The following PRKD1 variants were observed in gnomAD, a reference collection of about 807,000 sequenced individuals.
PRKD1 encodes the protein serine/threonine-protein kinase D1.
In PRKD1, 63 loss-of-function variants were observed where a neutral mutation model predicts 95.9. The ratio of observed to expected loss-of-function variants is 0.66; its 90% CI spans 0.54 to 0.81. The LOEUF is 0.81. PRKD1 is among the 30% of genes least tolerant of loss of function. The pLI is 0.00. For missense variants in PRKD1, 1,048 were observed against 1,165.3 expected (o/e 0.90, Z 1.47); for synonymous variants, 425 against 423.1 (o/e 1.00, Z -0.05).
intron 13 of PRKD1, among the ~76,000 whole-genome samples, chr14:29,617,397 G>A (rs1878940828): frequency 6.6e-6 from 1 of 152,144 alleles, no homozygotes; most frequent in African/African-American, 2.4e-5. Context: ...GATGAGAAGA[G>A]AATATAAACC....
intron 1 of PRKD1, among the ~76,000 whole-genome samples, chr14:29,923,246 A>AC (rs1491390980): frequency 5.4e-5 from 8 of 149,514 alleles, no homozygotes; most frequent in Admixed American, 2.7e-4. Flanking sequence ...AAAAAAAAAA[A>AC]CACACAGTAA....
At chr14:29,847,530 G>T (rs969272655) in intron 1 of PRKD1, among the ~76,000 whole-genome samples, 1 of 151,878 alleles carries the variant, frequency 6.6e-6, no homozygotes, top group Admixed American at 6.6e-5. Context: ...CTACAAAAGT[G>T]CAAAAACAAA....
chr14:29,578,905 G>A (rs1892663926), intron 16 of PRKD1, among the ~76,000 whole-genome samples: 1 of 152,050 alleles, frequency 6.6e-6, no homozygotes, highest in Non-Finnish European at 1.5e-5. Flanking sequence ...AAAACCAACA[G>A]CCCAAGAAGA....
At chr14:29,669,339 C>T (rs1412788498) in intron 2 of PRKD1, among the ~76,000 whole-genome samples, 1 of 152,164 alleles carries the variant, frequency 6.6e-6, no homozygotes, top group African/African-American at 2.4e-5. Flanking sequence ...GAGCTAAACG[C>T]CAACTGGAGC....
chr14:29,670,664 A>G (rs1208669519), intron 2 of PRKD1, among the ~76,000 whole-genome samples: 1 of 152,080 alleles, frequency 6.6e-6, no homozygotes, highest in Admixed American at 6.6e-5. Context: ...GAGTGTTTGT[A>G]AAACTAAGCT....
intron 4 of PRKD1, among the ~76,000 whole-genome samples, chr14:29,653,455 A>AT (rs1555332286): frequency 1.3e-5 from 2 of 152,166 alleles, no homozygotes; most frequent in African/African-American, 4.8e-5. Context: ...AAGTTATTTA[A>AT]TTTTTTAAAA....
chr14:29,770,930 C>CAAAAAAAAAAAAAAAAAAAAAGAAA (rs1888476986), intron 1 of PRKD1, among the ~76,000 whole-genome samples: 2 of 47,162 alleles, frequency 4.2e-5, no homozygotes, highest in Admixed American at 2.2e-4. Context: ...AGACACTGTC[C>CAAAAAAAAAAAAAAAAAAAAAGAAA]AAAAAAAAAA....
At chr14:29,684,075 G>A (rs930774678) in intron 2 of PRKD1, among the ~76,000 whole-genome samples, 7 of 151,510 alleles carry the variant, frequency 4.6e-5, no homozygotes, top group Non-Finnish European at 1.0e-4. Flanking sequence ...AGCCCTGAGA[G>A]TCTAGTTCAA....
intron 4 of PRKD1, 41 bp from the exon 5 acceptor site, chr14:29,638,945 G>T (rs377562464): frequency 6.8e-7 from 1 of 1,478,076 alleles, no homozygotes; most frequent in South Asian, 1.1e-5. Flanking sequence ...GATGTAAGAG[G>T]CTATTTGATT....
At chr14:29,736,857 C>A (rs1886738998) in intron 1 of PRKD1, among the ~76,000 whole-genome samples, 1 of 152,260 alleles carries the variant, frequency 6.6e-6, no homozygotes, top group South Asian at 2.1e-4. Flanking sequence ...AGAATAAATA[C>A]ATGTTTTAAT....
intron 1 of PRKD1, among the ~76,000 whole-genome samples, chr14:29,868,106 C>T (rs1410604343): frequency 3.3e-5 from 5 of 152,066 alleles, no homozygotes; most frequent in Non-Finnish European, 5.9e-5. Flanking sequence ...CAATAACAGT[C>T]TTTTGTTTGT....
intron 1 of PRKD1, among the ~76,000 whole-genome samples, chr14:29,888,092 A>T (rs1169069057): frequency 2.6e-5 from 4 of 152,112 alleles, no homozygotes; most frequent in Non-Finnish European, 5.9e-5. Flanking sequence ...CTTGAGTCCA[A>T]AAGTTTGAGA....
At chr14:29,578,395 T>C in intron 16 of PRKD1, 35 bp from the exon 17 acceptor site, 1 of 1,451,582 alleles carries the variant, frequency 6.9e-7, no homozygotes, top group Non-Finnish European at 9.6e-7. Context: ...AGATGACAAA[T>C]CTGTAACATA....
chr14:29,840,073 G>T (rs1210413009), intron 1 of PRKD1, among the ~76,000 whole-genome samples: 1 of 151,996 alleles, frequency 6.6e-6, no homozygotes, highest in African/African-American at 2.4e-5. Context: ...TCAGAAAATG[G>T]GATTTTCTTT....
intron 13 of PRKD1, among the ~76,000 whole-genome samples, chr14:29,603,471 C>T (rs1893597183): frequency 6.6e-6 from 1 of 151,992 alleles, no homozygotes. Flanking sequence ...TAAGAATATG[C>T]CGTTAGCCTA....
intron 16 of PRKD1, among the ~76,000 whole-genome samples, chr14:29,579,015 G>T (rs1006062087): frequency 6.6e-6 from 1 of 152,156 alleles, no homozygotes; most frequent in East Asian, 1.9e-4. Flanking sequence ...AGACAGGAAA[G>T]AAGTCTATTT....
At chr14:29,904,952 T>C (rs904130253) in intron 1 of PRKD1, among the ~76,000 whole-genome samples, 3 of 152,182 alleles carry the variant, frequency 2.0e-5, no homozygotes, top group Non-Finnish European at 2.9e-5. Context: ...CAATAATTTG[T>C]GGGGAATACG....
Position 29,887,748 on chromosome 14 carries a change from T to C in PRKD1, c.264+39501A>G, listed in dbSNP as rs544005865. ...CACAAATATTTACCATGTGTTACAA[T>C]TGTCTATAGTATTCAGTGCAGTAAT... On this transcript the variant is annotated intron_variant, in intron 1 of 17. Transcript: ENST00000331968. Among the ~76,000 whole-genome samples the C allele has an allele frequency of 3.3e-5, 5 of 152,308 alleles. 1 individual carries two copies. Among genetic ancestry groups the C allele is most frequent in the South Asian group, 2.1e-4 (1 of 4,816 alleles).
Position 29,592,117 on chromosome 14 carries a change from C to T in PRKD1, c.2434+5374G>A, listed in dbSNP as rs900774316. Among the ~76,000 whole-genome samples, 8 of 151,638 alleles carry T rather than the reference C, an allele frequency of 5.3e-5. No individual in the cohort carries two copies. The South Asian group carries it at 6.3e-4, about 12-fold the overall frequency. On this transcript the variant is annotated intron_variant, in intron 16 of 17. Coordinates refer to ENST00000331968, the MANE Select transcript of PRKD1 (RefSeq NM_002742.3). ...AATGTGTTGACCTTTAAGCCTAATC[C>T]GGTATGAGATAAAGTTGGAGATGAC...
Sources: allele counts gnomAD v4.1 joint callset (sites outside exome capture counted in the v4.1 genomes callset), GRCh38; gene constraint gnomAD v4.1.1; transcripts MANE v1.5; gene names NCBI Gene and HGNC (gene_info 2026-07-23, HGNC 2026-07-21).